RNGTT: variants seen among roughly 807,000 people sequenced by gnomAD.
The protein encoded by RNGTT is RNA guanylyltransferase and 5'-phosphatase.
In RNGTT, 33 loss-of-function variants were observed where a neutral mutation model predicts 79.3. The ratio of observed to expected loss-of-function variants is 0.42; its 90% CI spans 0.32 to 0.56. The LOEUF is 0.56. RNGTT is among the 20% of genes least tolerant of loss of function. The pLI, the probability that RNGTT is intolerant of heterozygous loss-of-function variation, is 0.17. For missense variants in RNGTT, 497 were observed against 739.1 expected (o/e 0.67, Z 3.80); for synonymous variants, 222 against 235.9 (o/e 0.94, Z 0.54).
At chr6:88,683,355 TAG>T (rs2127792038) in intron 13 of RNGTT, among the ~76,000 whole-genome samples, 1 of 152,210 alleles carries the variant, frequency 6.6e-6, no homozygotes, top group Non-Finnish European at 1.5e-5. Flanking sequence ...AAAGTCAGAA[TAG>T]AGACACTCCT....
intron 13 of RNGTT, among the ~76,000 whole-genome samples, chr6:88,741,861 T>TTA (rs1453050313): frequency 6.6e-6 from 1 of 152,156 alleles, no homozygotes; most frequent in African/African-American, 2.4e-5. Context: ...TATACTAGCT[T>TTA]TATAATTGCA....
At chr6:88,709,304 T>C (rs1776243590) in intron 13 of RNGTT, among the ~76,000 whole-genome samples, 1 of 119,734 alleles carries the variant, frequency 8.4e-6, no homozygotes, top group African/African-American at 3.3e-5. Flanking sequence ...GACTCAGTCT[T>C]CAAAAAAAAA....
intron 11 of RNGTT, among the ~76,000 whole-genome samples, chr6:88,831,405 C>A (rs1382708939): frequency 6.6e-6 from 1 of 152,056 alleles, no homozygotes; most frequent in African/African-American, 2.4e-5. Context: ...CATGCTAAAA[C>A]CTCTCAATAG....
intron 13 of RNGTT, among the ~76,000 whole-genome samples, chr6:88,769,421 A>C (rs1778574518): frequency 6.6e-6 from 1 of 152,088 alleles, no homozygotes; most frequent in Non-Finnish European, 1.5e-5. Flanking sequence ...TGGCCTCCCA[A>C]AGTGCTAGGA....
chr6:88,675,100 A>G (rs942059245), intron 14 of RNGTT, among the ~76,000 whole-genome samples: 2 of 127,696 alleles, frequency 1.6e-5, no homozygotes, highest in African/African-American at 9.2e-5. Flanking sequence ...TCCGTCTCAG[A>G]AGAAAAAAAA....
At chr6:88,633,044 G>C (rs1004670361) in intron 14 of RNGTT, among the ~76,000 whole-genome samples, 1 of 152,136 alleles carries the variant, frequency 6.6e-6, no homozygotes, top group Non-Finnish European at 1.5e-5. Context: ...TTGATGCTTG[G>C]CTTTAATTTA....
At chr6:88,728,106 A>C (rs1298364988) in intron 13 of RNGTT, among the ~76,000 whole-genome samples, 1 of 152,202 alleles carries the variant, frequency 6.6e-6, no homozygotes, top group East Asian at 1.9e-4. Flanking sequence ...CCCAAGGGAA[A>C]ACCCTACCAA....
intron 13 of RNGTT, among the ~76,000 whole-genome samples, chr6:88,689,551 G>A (rs1160014983): frequency 6.8e-6 from 1 of 147,342 alleles, no homozygotes; most frequent in Admixed American, 6.8e-5. Context: ...CCGAGATCGC[G>A]CCATTGCACT....
intron 13 of RNGTT, among the ~76,000 whole-genome samples, chr6:88,690,339 G>A (rs1196659291): frequency 1.3e-5 from 2 of 152,068 alleles, no homozygotes; most frequent in Non-Finnish European, 2.9e-5. Flanking sequence ...GGGAAACCAC[G>A]TGAAAGATAT....
chr6:88,648,632 T>C (rs900413187), intron 14 of RNGTT, among the ~76,000 whole-genome samples: 12 of 152,164 alleles, frequency 7.9e-5, no homozygotes, highest in Non-Finnish European at 1.6e-4. Flanking sequence ...AAATTATCTG[T>C]CCATCCTTTT....
chr6:88,693,977 G>A (rs1415951445), intron 13 of RNGTT, among the ~76,000 whole-genome samples: 1 of 151,996 alleles, frequency 6.6e-6, no homozygotes, highest in Non-Finnish European at 1.5e-5. Context: ...ACATATGACA[G>A]GCCAACAGAT....
At chr6:88,765,253 G>A (rs1582433305) in intron 13 of RNGTT, among the ~76,000 whole-genome samples, 1 of 151,268 alleles carries the variant, frequency 6.6e-6, no homozygotes, top group Non-Finnish European at 1.5e-5. Flanking sequence ...TTTATTAGAA[G>A]GACAAAAATT....
chr6:88,818,339 T>C (rs904898797), intron 11 of RNGTT, among the ~76,000 whole-genome samples: 18 of 151,990 alleles, frequency 1.2e-4, no homozygotes, highest in Non-Finnish European at 2.5e-4. Context: ...TCCCAGCACT[T>C]TGGGAGGCTG....
At chr6:88,680,335 C>T (rs548888997) in intron 13 of RNGTT, among the ~76,000 whole-genome samples, 1 of 152,214 alleles carries the variant, frequency 6.6e-6, no homozygotes, top group African/African-American at 2.4e-5. Context: ...TGTGATTACC[C>T]TTCATTGACA....
chr6:88,819,964 C>T (rs1035937538), intron 11 of RNGTT, among the ~76,000 whole-genome samples: 1 of 152,212 alleles, frequency 6.6e-6, no homozygotes. Context: ...CCTATCTCCA[C>T]ACATGCCTCT....
At chr6:88,949,452 C>T (rs374546488) in intron 1 of RNGTT, among the ~76,000 whole-genome samples, 7 of 151,754 alleles carry the variant, frequency 4.6e-5, no homozygotes, top group South Asian at 2.1e-4. Flanking sequence ...TTAGTAGAGA[C>T]GGGGTTTCAC....
chr6:88,795,187 T>TA (rs1779556363), intron 12 of RNGTT, among the ~76,000 whole-genome samples: 1 of 152,182 alleles, frequency 6.6e-6, no homozygotes, highest in Admixed American at 6.5e-5. Context: ...ACTAAGGTGA[T>TA]ACGAAAGAAA....
At chr6:88,705,591 T>G (rs1337486940) in intron 13 of RNGTT, among the ~76,000 whole-genome samples, 2 of 152,108 alleles carry the variant, frequency 1.3e-5, no homozygotes, top group Non-Finnish European at 2.9e-5. Flanking sequence ...CTTCCTAAAA[T>G]TCTTCCTTAA....
intron 14 of RNGTT, among the ~76,000 whole-genome samples, chr6:88,644,507 C>A (rs1773457900): frequency 6.6e-6 from 1 of 152,144 alleles, no homozygotes; most frequent in Admixed American, 6.5e-5. Context: ...TTTTATGAGG[C>A]CAGCATCATC....
Sources: gnomAD v4.1 joint callset for allele counts (sites outside exome capture counted in the v4.1 genomes callset) on GRCh38, gnomAD v4.1.1 for gene constraint, MANE v1.5 for transcripts, NCBI Gene and HGNC (gene_info 2026-07-23, HGNC 2026-07-21) for gene names.